Variants in PSD3 observed in about 807,000 individuals in gnomAD.
The protein encoded by PSD3 is pleckstrin and Sec7 domain containing 3.
In PSD3, 49 loss-of-function variants were observed where a neutral mutation model predicts 105.5. The ratio of observed to expected loss-of-function variants is 0.46; its 90% CI spans 0.37 to 0.59. The LOEUF (loss-of-function observed/expected upper bound fraction) is 0.59, where lower values mean the gene tolerates loss of function less well. PSD3 is among the 20% of genes least tolerant of loss of function. The pLI is 0.00. For missense variants in PSD3, 1,561 were observed against 1,263.8 expected (o/e 1.24, Z -3.57); for synonymous variants, 557 against 457.8 (o/e 1.22, Z -2.77).
intron 2 of PSD3, among the ~76,000 whole-genome samples, chr8:18,922,429 C>A (rs932889231): frequency 1.9e-4 from 29 of 152,194 alleles, no homozygotes; most frequent in African/African-American, 6.5e-4. Context: ...CTAATTATGA[C>A]ATTCTGAGAA....
rs146340613 is a variant in PSD3, at chr8:18,923,948, A to T, written c.130+12086T>A. ...ATATACATATATTAAACACCAATCT[A>T]AAAAAATAGATCTTGTAGACAAAAA... On this transcript the variant is annotated intron_variant, in intron 2 of 15. Transcript: ENST00000327040. 3.4e-3 allele frequency among the ~76,000 whole-genome samples: 510 copies of T among 152,142 alleles called. 1 individual carries two copies. Among genetic ancestry groups the T allele is most frequent in the African/African-American group, 0.011 (463 of 41,508 alleles).
chr8:18,576,513 T>C (rs1430075323), intron 12 of PSD3, among the ~76,000 whole-genome samples: 4 of 152,154 alleles, frequency 2.6e-5, no homozygotes, highest in African/African-American at 9.7e-5. Context: ...TATAATCTAG[T>C]TATGTTTTAA....
chr8:19,062,539 TA>T (rs148989122), intron 1 of PSD3, among the ~76,000 whole-genome samples: 33 of 152,320 alleles, frequency 2.2e-4, no homozygotes, highest in African/African-American at 7.7e-4. Flanking sequence ...CATATATGAA[TA>T]ACAACCATTC....
At chr8:18,758,414 C>A (rs1003191609) in intron 9 of PSD3, among the ~76,000 whole-genome samples, 3 of 135,106 alleles carry the variant, frequency 2.2e-5, no homozygotes, top group African/African-American at 5.3e-5. Flanking sequence ...CAGTTTTACT[C>A]TTTTTTTTTT....
In PSD3 at chr8:18,804,703, C is replaced by G. The variant is rs773742199; in HGVS notation, c.1829+1G>C. The G allele has an allele frequency of 6.2e-7, 1 of 1,613,706 alleles. No individual in the cohort carries two copies. Among genetic ancestry groups the G allele is most frequent in the South Asian group, 1.1e-5 (1 of 90,934 alleles). On this transcript the variant is annotated splice_donor_variant, in intron 5 of 15. Coordinates refer to ENST00000327040, the MANE Select transcript of PSD3 (RefSeq NM_015310.4). LOFTEE classifies it high-confidence loss of function. Reference sequence around the variant, plus strand: ...GACTCCAGCAATGGGTCAGAACGTACTTCTTGCCAAGGTGTTTTGCAACAT... The same window carrying G: ...GACTCCAGCAATGGGTCAGAACGTAGTTCTTGCCAAGGTGTTTTGCAACAT...
intron 11 of PSD3, among the ~76,000 whole-genome samples, chr8:18,606,193 G>A (rs1297981419): frequency 6.6e-6 from 1 of 152,020 alleles, no homozygotes; most frequent in African/African-American, 2.4e-5. Context: ...CTTCATGATT[G>A]TAACCTGACA....
intron 9 of PSD3, among the ~76,000 whole-genome samples, chr8:18,721,914 C>A (rs1389041311): frequency 2.0e-5 from 3 of 152,122 alleles, no homozygotes; most frequent in Non-Finnish European, 2.9e-5. Context: ...ATTGTTCCCA[C>A]TGAAGGGACA....
At chr8:18,748,653 C>T (rs1253319928) in intron 9 of PSD3, among the ~76,000 whole-genome samples, 1 of 145,438 alleles carries the variant, frequency 6.9e-6, no homozygotes, top group East Asian at 2.1e-4. Context: ...GAGCGAGACT[C>T]CGTCTCCAAA....
chr8:19,009,597 A>C (rs185754873), intron 1 of PSD3, among the ~76,000 whole-genome samples: 2 of 152,334 alleles, frequency 1.3e-5, no homozygotes, highest in Non-Finnish European at 2.9e-5. Flanking sequence ...GTTTTCCAAA[A>C]GTTAGGACTT....
intron 8 of PSD3, among the ~76,000 whole-genome samples, chr8:18,798,892 G>C (rs548465495): frequency 1.3e-5 from 2 of 152,144 alleles, no homozygotes; most frequent in Non-Finnish European, 2.9e-5. Context: ...CACAAGAAAG[G>C]CTGAGTTATT....
intron 1 of PSD3, among the ~76,000 whole-genome samples, chr8:19,052,013 A>C (rs746637868): frequency 2.6e-5 from 4 of 152,328 alleles, no homozygotes; most frequent in Non-Finnish European, 5.9e-5. Context: ...AGAATGAGGA[A>C]GGGGGCATTT....
At chr8:18,987,908 C>G (rs899401103) in intron 1 of PSD3, among the ~76,000 whole-genome samples, 1 of 152,052 alleles carries the variant, frequency 6.6e-6, no homozygotes, top group Non-Finnish European at 1.5e-5. Flanking sequence ...AAATACAAAA[C>G]AAGGGCCTAG....
intron 2 of PSD3, among the ~76,000 whole-genome samples, chr8:18,886,224 G>A (rs1457278243): frequency 6.6e-6 from 1 of 152,088 alleles, no homozygotes; most frequent in Non-Finnish European, 1.5e-5. Flanking sequence ...TAAGATTACA[G>A]GTAAGAATAA....
At chr8:18,649,130 G>C (rs767882583) in intron 10 of PSD3, among the ~76,000 whole-genome samples, 25 of 152,178 alleles carry the variant, frequency 1.6e-4, no homozygotes, top group Non-Finnish European at 2.9e-5. Context: ...TGTGAGAAGA[G>C]GGCTACCATC....
rs1563291097 is a variant in PSD3 at position 18,531,213 on chromosome 8, T to C, written c.*4530A>G. 6.5e-6 allele frequency: 1 copy of C among 152,684 alleles called. No individual in the cohort carries two copies. The highest frequency in any genetic ancestry group is 1.5e-5 in the Non-Finnish European group (1 of 68,040). 9.5% of individuals were successfully genotyped at this position (152,684 alleles called of 1,614,324 possible). On this transcript the variant is annotated 3_prime_UTR_variant, in exon 16 of 16. Coordinates refer to ENST00000327040, the MANE Select transcript of PSD3 (RefSeq NM_015310.4). ...GAGACTTAAGAAAACCTACTGTATA[T>C]ACAATTATGTAACTTGCAAAATTTT...
At chr8:18,903,979 T>C (rs1819677462) in intron 2 of PSD3, among the ~76,000 whole-genome samples, 1 of 150,472 alleles carries the variant, frequency 6.6e-6, no homozygotes, top group African/African-American at 2.4e-5. Context: ...GGGAAGTGTA[T>C]GATTCTGTTT....
intron 4 of PSD3, chr8:18,808,653 T>C: frequency 9.4e-6 from 14 of 1,485,378 alleles, no homozygotes; most frequent in Non-Finnish European, 1.2e-5. Flanking sequence ...CTAGATGGCT[T>C]CATTCTGTCC....
chr8:19,084,598 C>T (rs1407342981), exon 1 of PSD3: 7 of 354,008 alleles, frequency 2.0e-5, no homozygotes, highest in Admixed American at 7.5e-5. Flanking sequence ...GAGGCAGGGG[C>T]CTGGCAATGC....
At chr8:18,744,791 C>G (rs1407796550) in intron 9 of PSD3, among the ~76,000 whole-genome samples, 1 of 152,206 alleles carries the variant, frequency 6.6e-6, no homozygotes, top group Non-Finnish European at 1.5e-5. Flanking sequence ...TTCCCCATTA[C>G]TGCCCTTGTC....
Sources: gnomAD v4.1 joint callset for allele counts (sites outside exome capture counted in the v4.1 genomes callset) on GRCh38, gnomAD v4.1.1 for gene constraint, MANE v1.5 for transcripts, NCBI Gene and HGNC (gene_info 2026-07-23, HGNC 2026-07-21) for gene names.